The following BNIP3 variants were observed in gnomAD, a reference collection of about 807,000 sequenced individuals.
BNIP3 encodes the protein BCL2 interacting protein 3.
A neutral mutation model predicts 23.9 loss-of-function variants in BNIP3; 16 were observed. The ratio of observed to expected loss-of-function variants is 0.67; its 90% CI spans 0.45 to 1.01. The LOEUF is 1.01. Ranked by LOEUF, BNIP3 falls within the 50% of genes least tolerant of loss-of-function variation. The probability of loss-of-function intolerance (pLI) is 0.00; values close to 1 mark genes in which losing one functional copy is unlikely to be tolerated. For synonymous variants in BNIP3, 81 were observed against 89.3 expected, an observed-to-expected ratio of 0.91 and a Z score of 0.53; for missense variants, 198 against 248.7, an observed-to-expected ratio of 0.80 and a Z score of 1.37.
chr10:131,979,216 A>G (rs2037100837), intron 1 of BNIP3, among the ~76,000 whole-genome samples: 1 of 152,210 alleles, frequency 6.6e-6, no homozygotes, highest in East Asian at 1.9e-4. Context: ...CATTGTGACC[A>G]TCTATGAAAT....
intron 1 of BNIP3, 45 bp downstream of exon 1, chr10:131,981,716 C>T (rs1432300233): frequency 7.1e-7 from 1 of 1,402,030 alleles, no homozygotes; most frequent in Non-Finnish European, 9.4e-7. Flanking sequence ...CCCCAGGCTT[C>T]CCCCCCGCGC....
rs550231102 is a variant in BNIP3 at position 131,976,273 on chromosome 10, G to C, written c.47-2330C>G. Among the ~76,000 whole-genome samples the C allele has an allele frequency of 6.6e-6, 1 of 152,310 alleles. No homozygotes were observed. The highest frequency in any genetic ancestry group is 1.9e-4 in the East Asian group (1 of 5,176). ...CTTGAAGGTGTGGTGTCTCTTCTCTGATGCCACTCTTAACATCAAATGTGG... is the reference window on the plus strand; with the variant it reads ...CTTGAAGGTGTGGTGTCTCTTCTCTCATGCCACTCTTAACATCAAATGTGG... On this transcript the variant is annotated intron_variant, in intron 1 of 5. Transcript: ENST00000368636. The surrounding 1 kb of genome is among the most constrained non-coding windows in gnomAD (Gnocchi z 4.3).
intron 1 of BNIP3, among the ~76,000 whole-genome samples, chr10:131,978,005 A>G (rs2037093097): frequency 6.6e-6 from 1 of 152,218 alleles, no homozygotes; most frequent in Admixed American, 6.5e-5. Context: ...AGATGGGCTT[A>G]CAGTAAGGTT....
rs777924508 is a variant in BNIP3, at chr10:131,973,089, G to T, written c.227C>A (p.Thr76Asn). Residue 76 changes from threonine (T) to asparagine (N), a missense_variant, in exon 3 of 6, where the codon ACC becomes AAC. Physicochemically the swap from Thr to Asn is moderately conservative, Grantham distance 65. Transcript: ENST00000368636. ...SPPRSQTPQD[T>N]NRASETDTHS... The stretch of plus-strand genomic sequence containing the variant: ...GGTATCTGTTTCAGAAGCTCTGTTG[G>T]TATCTTGTGGTGTCTGCGAGCGAGG... 2.5e-6 allele frequency: 4 copies of T among 1,613,758 alleles called. No individual in the cohort carries two copies. In the South Asian group the frequency reaches 4.4e-5, roughly 18 times the overall value.
chr10:131,978,712 G>A (rs1438975988), intron 1 of BNIP3, among the ~76,000 whole-genome samples: 1 of 152,140 alleles, frequency 6.6e-6, no homozygotes, highest in Non-Finnish European at 1.5e-5. Context: ...GTGACTATTT[G>A]GGATGCTGGG....
At chr10:131,972,988 C>T in intron 3 of BNIP3, 46 bp downstream of exon 3, 1 of 1,569,044 alleles carries the variant, frequency 6.4e-7, no homozygotes, top group Non-Finnish European at 8.8e-7. Context: ...CCTGTACAAA[C>T]AGATCACAAA....
At chr10:131,973,659 G>C (rs2037058726) in intron 2 of BNIP3, 134 bp downstream of exon 2, 3 of 1,242,322 alleles carry the variant, frequency 2.4e-6, no homozygotes, top group Non-Finnish European at 3.4e-6. Flanking sequence ...ACTGCAGCAG[G>C]AGCCAGTCCA....
intron 2 of BNIP3, chr10:131,973,446 C>T: frequency 2.2e-6 from 1 of 463,132 alleles, no homozygotes; most frequent in Non-Finnish European, 3.9e-6. Context: ...GTCGGCCACT[C>T]TACCTTGGAG....
chr10:131,972,491 G>A (rs937368205), intron 3 of BNIP3, among the ~76,000 whole-genome samples: 1 of 152,224 alleles, frequency 6.6e-6, no homozygotes, highest in Non-Finnish European at 1.5e-5. Flanking sequence ...CTAATGCTAG[G>A]AAAGGCACAG....
In BNIP3 at chr10:131,976,419, T is replaced by C. The variant is rs2037078182; in HGVS notation, c.47-2476A>G. Among the ~76,000 whole-genome samples the C allele has an allele frequency of 1.3e-5, 2 of 152,168 alleles. No individual in the cohort carries two copies. Among genetic ancestry groups the C allele is most frequent in the Admixed American group, 6.5e-5 (1 of 15,280 alleles). ...CAAGCAGAGAATGGGGTGTCCAGGT[T>C]ACCCGTATTTCTGCCAGTGCCTCTA... On this transcript the variant is annotated intron_variant, in intron 1 of 5. Transcript: ENST00000368636. This position sits in a 1 kb window ranked among gnomAD's most constrained non-coding sequence, Gnocchi z 4.3.
intron 1 of BNIP3, among the ~76,000 whole-genome samples, chr10:131,977,415 G>A (rs897361078): frequency 1.3e-5 from 2 of 152,192 alleles, no homozygotes; most frequent in Non-Finnish European, 2.9e-5. Flanking sequence ...GAAGATGAAG[G>A]AGAGACAAGT....
Position 131,971,263 on chromosome 10 carries a change from A to T in BNIP3, c.283-293T>A, listed in dbSNP as rs546813740. On this transcript the variant is annotated intron_variant, in intron 3 of 5. Transcript: ENST00000368636. The stretch of plus-strand genomic sequence containing the variant: ...ACTGTGAGATTCTGGGGGTACTGAC[A>T]GCGGCAAACACTGTCCTAGGGAAGT... 2.6e-3 allele frequency: 1,104 copies of T among 424,480 alleles called. 1 individual carries two copies. The highest frequency in any genetic ancestry group is 4.0e-3 in the Non-Finnish European group (909 of 228,824). 26.3% of individuals were successfully genotyped at this position (424,480 alleles called of 1,614,324 possible).
Position 131,973,833 on chromosome 10 carries a change from CATGCT to C in BNIP3, c.152_156del (p.Gln51ArgfsTer6). 6.2e-7 allele frequency: 1 copy of C among 1,612,586 alleles called. No homozygotes were observed. Among genetic ancestry groups the C allele is most frequent in the Non-Finnish European group, 8.5e-7 (1 of 1,180,034 alleles). The stretch of plus-strand genomic sequence containing the variant: ...CTCTTGGAGCTACTCCGTCCAGACT[CATGCT>C]GTGCGTCCAGCAGTATTTTTTCCAT... On this transcript the variant is annotated frameshift_variant, in exon 2 of 6. Coordinates refer to ENST00000368636, the MANE Select transcript of BNIP3 (RefSeq NM_004052.4). LOFTEE classifies it high-confidence loss of function.
chr10:131,967,862 C>G lies in BNIP3; in HGVS notation c.*662G>C, dbSNP rs1314454450. 2.6e-5 allele frequency: 4 copies of G among 152,240 alleles called. No individual in the cohort carries two copies. Among genetic ancestry groups the G allele is most frequent in the Non-Finnish European group, 5.9e-5 (4 of 68,040 alleles). 9.4% of individuals were successfully genotyped at this position (152,240 alleles called of 1,614,324 possible). On this transcript the variant is annotated 3_prime_UTR_variant, in exon 6 of 6. Coordinates refer to ENST00000368636, the MANE Select transcript of BNIP3 (RefSeq NM_004052.4). ...AAAGATACTGAGTAGGTGCCTTCAGCAGAAAACTGATCATCCAGGGTGATC... is the reference window on the plus strand; with the variant it reads ...AAAGATACTGAGTAGGTGCCTTCAGGAGAAAACTGATCATCCAGGGTGATC...
chr10:131,979,587 G>C (rs1187281782), intron 1 of BNIP3, among the ~76,000 whole-genome samples: 1 of 152,222 alleles, frequency 6.6e-6, no homozygotes, highest in East Asian at 1.9e-4. Flanking sequence ...GACATGTCTA[G>C]GAGAAAAGGG....
At position 131,981,782 on chromosome 10, in the gene BNIP3, T is replaced by C. The variant is rs1302692757; in HGVS notation, c.25A>G (p.Met9Val). 4 of 1,481,760 alleles carry C rather than the reference T, an allele frequency of 2.7e-6. No homozygotes were observed. The highest frequency in any genetic ancestry group is 2.7e-6 in the Non-Finnish European group (3 of 1,122,344). 91.8% of individuals were successfully genotyped at this position (1,481,760 alleles called of 1,614,324 possible). Residue 9 changes from methionine to valine, a missense_variant, in exon 1 of 6, where the codon ATG (methionine) becomes GTG (valine). Met to Val is a conservative substitution (Grantham distance 21). Transcript: ENST00000368636. Reference protein sequence around the residue: MSQNGAPGMQEESLQGSWV... With the variant: MSQNGAPGVQEESLQGSWV... ...TCACCCTGCAGGCTCTCCTCCTGCA[T>C]CCCGGGCGCTCCGTTCTGCGACATG...
At position 131,974,576 on chromosome 10, in the gene BNIP3, C is replaced by T. The variant is rs1023777590; in HGVS notation, c.47-633G>A. Among the ~76,000 whole-genome samples, 4 of 152,266 alleles carry T rather than the reference C, an allele frequency of 2.6e-5. No homozygotes were observed. The East Asian group carries it at 5.8e-4, about 22-fold the overall frequency. ...CTATTTTTTTTAGGAGATGGGGTCT[C>T]GCTATATTGCCCAGGCTAGTCTCGA... is the stretch of plus-strand genomic sequence containing the variant. On this transcript the variant is annotated intron_variant, in intron 1 of 5. Coordinates refer to ENST00000368636, the MANE Select transcript of BNIP3 (RefSeq NM_004052.4).
rs1589977220 is a variant in BNIP3 at position 131,976,068 on chromosome 10, G to A, written c.47-2125C>T. 2.0e-5 allele frequency among the ~76,000 whole-genome samples: 3 copies of A among 152,300 alleles called. No individual in the cohort carries two copies. The South Asian group carries it at 6.2e-4, about 32-fold the overall frequency. On this transcript the variant is annotated intron_variant, in intron 1 of 5. Coordinates refer to ENST00000368636, the MANE Select transcript of BNIP3 (RefSeq NM_004052.4). The surrounding 1 kb of genome is among the most constrained non-coding windows in gnomAD (Gnocchi z 4.3). Reference sequence around the variant, plus strand: ...TCACTAGCCCTCCTTCCCTCTCTGCGGTTCAAGATGCCATGCGGCCGGCTA... The same window carrying A: ...TCACTAGCCCTCCTTCCCTCTCTGCAGTTCAAGATGCCATGCGGCCGGCTA...
intron 2 of BNIP3, 29 bp from the exon 3 acceptor site, chr10:131,973,147 CAG>C: frequency 6.2e-7 from 1 of 1,602,400 alleles, no homozygotes; most frequent in South Asian, 1.1e-5. Context: ...ATGGGAAAAA[CAG>C]AACATCATGT....
Sources: gnomAD v4.1 joint callset for allele counts (sites outside exome capture counted in the v4.1 genomes callset) on GRCh38, gnomAD v4.1.1 for gene constraint, Gnocchi (gnomAD v3.1) non-coding constraint, MANE v1.5 for transcripts, NCBI Gene and HGNC (gene_info 2026-07-23, HGNC 2026-07-21) for gene names.